VEGFC: variants seen among roughly 807,000 people sequenced by gnomAD.
VEGFC encodes vascular endothelial growth factor C.
Under a neutral mutation model 46.1 loss-of-function variants are expected in VEGFC, and 12 were observed. The observed-to-expected ratio is 0.26, with a 90% CI of 0.17 to 0.42. The LOEUF (loss-of-function observed/expected upper bound fraction) is 0.42. Ranked by LOEUF, VEGFC falls within the 10% of genes least tolerant of loss-of-function variation. The pLI, the probability that VEGFC is intolerant of heterozygous loss-of-function variation, is 1.00. For missense variants in VEGFC, 488 were observed against 529.4 expected (o/e 0.92, Z 0.77); for synonymous variants, 232 against 195.5 (o/e 1.19, Z -1.56).
intron 1 of VEGFC, among the ~76,000 whole-genome samples, chr4:176,738,616 C>T (rs1282889680): frequency 6.6e-6 from 1 of 151,994 alleles, no homozygotes; most frequent in Non-Finnish European, 1.5e-5. Context: ...ATAATCTAGG[C>T]AATACCATTG....
At chr4:176,767,123 T>TTAAA (rs375832911) in intron 1 of VEGFC, among the ~76,000 whole-genome samples, 3 of 50,482 alleles carry the variant, frequency 5.9e-5, no homozygotes, top group Non-Finnish European at 1.0e-4. Flanking sequence ...TGTAGAAATC[T>TTAAA]AAAAAAAAAA....
At chr4:176,776,563 G>A (rs765289250) in intron 1 of VEGFC, among the ~76,000 whole-genome samples, 1 of 152,244 alleles carries the variant, frequency 6.6e-6, no homozygotes, top group Non-Finnish European at 1.5e-5. Context: ...GCACAACTGT[G>A]CCCTATATTT....
At chr4:176,748,190 A>G (rs895757590) in intron 1 of VEGFC, among the ~76,000 whole-genome samples, 6 of 152,078 alleles carry the variant, frequency 3.9e-5, no homozygotes, top group Non-Finnish European at 5.9e-5. Context: ...AAATTTTTCT[A>G]TGTTTTAGAA....
chr4:176,711,505 A>T lies in VEGFC; in HGVS notation c.698T>A (p.Leu233Gln). ...SIIRRSLPAT[L>Q]PQCQAANKTC... ...AGATTTAATTCATACTCACTGTGGT[A>T]GTGTTGCTGGCAGGGAACGTCTAAT... The change falls in exon 4 of 7, where the codon CTA (leucine) becomes CAA (glutamine). Residue 233 changes from leucine to glutamine, a missense_variant. Coordinates refer to ENST00000618562, the MANE Select transcript of VEGFC (RefSeq NM_005429.5). 7.4e-6 allele frequency: 12 copies of T among 1,612,126 alleles called. No homozygotes were observed. The highest frequency in any genetic ancestry group is 1.0e-5 in the Non-Finnish European group (12 of 1,179,054).
chr4:176,768,451 C>G (rs1360832153), intron 1 of VEGFC, among the ~76,000 whole-genome samples: 1 of 138,912 alleles, frequency 7.2e-6, no homozygotes, highest in Non-Finnish European at 1.5e-5. Flanking sequence ...AAATAATGAT[C>G]AAACATTGTA....
intron 1 of VEGFC, among the ~76,000 whole-genome samples, chr4:176,781,084 T>C (rs1735907972): frequency 6.6e-6 from 1 of 152,220 alleles, no homozygotes; most frequent in African/African-American, 2.4e-5. Context: ...TTATTTGCTT[T>C]AATGTGTATC....
chr4:176,687,956 A>G (rs757350495), intron 4 of VEGFC, 29 bp from the exon 5 acceptor site: 6 of 1,398,020 alleles, frequency 4.3e-6, no homozygotes, highest in African/African-American at 4.3e-5. Context: ...AGGTTTAGCA[A>G]TGGTGTAACT....
chr4:176,715,707 G>A (rs140267942), intron 3 of VEGFC, among the ~76,000 whole-genome samples: 63 of 150,674 alleles, frequency 4.2e-4, no homozygotes, highest in Middle Eastern at 3.4e-3. Flanking sequence ...TAATCCCTAC[G>A]TTACTAAGAA....
intron 1 of VEGFC, among the ~76,000 whole-genome samples, chr4:176,752,116 C>T (rs765597056): frequency 5.3e-5 from 8 of 151,742 alleles, no homozygotes; most frequent in Admixed American, 1.3e-4. Flanking sequence ...CATGAAATTG[C>T]GTTAAAATTT....
chr4:176,731,857 G>A (rs763037212), intron 1 of VEGFC, among the ~76,000 whole-genome samples: 2 of 151,722 alleles, frequency 1.3e-5, no homozygotes, highest in South Asian at 2.1e-4. Flanking sequence ...AATTAGTACC[G>A]TAAAACTTCG....
chr4:176,698,146 AAATAAT>A (rs972178905), intron 4 of VEGFC, among the ~76,000 whole-genome samples: 399 of 150,236 alleles, frequency 2.7e-3, no homozygotes, highest in African/African-American at 8.4e-3. Context: ...ATAAAAATAA[AAATAAT>A]AATAATAATA....
chr4:176,785,449 T>C (rs1735987080), intron 1 of VEGFC, among the ~76,000 whole-genome samples: 1 of 152,200 alleles, frequency 6.6e-6, no homozygotes, highest in Admixed American at 6.5e-5. Context: ...AGGTGGCATC[T>C]CTTGAGTTTG....
intron 1 of VEGFC, among the ~76,000 whole-genome samples, chr4:176,784,779 A>AG (rs1553998123): frequency 0.33 from 32,728 of 98,976 alleles, 9,430 homozygotes; most frequent in East Asian, 0.61. Context: ...AAAAAAAAAA[A>AG]GATAAAGTAA....
At chr4:176,774,810 AAT>A (rs10604765) in intron 1 of VEGFC, among the ~76,000 whole-genome samples, 118,826 of 145,942 alleles carry the variant, frequency 0.81, 49,747 homozygotes, top group East Asian at 0.97. Context: ...AAAGTATAAT[AAT>A]AAAAAAAAAA....
Position 176,792,040 on chromosome 4 carries a change from A to G in VEGFC, c.147+125T>C, listed in dbSNP as rs904744019. ...CTCCAAAGCAGCGTGCACTGAGCTC[A>G]GTAACTTTGGATCCCACGTACACAA... On this transcript the variant is annotated intron_variant, in intron 1 of 6. Transcript: ENST00000618562. The surrounding 1 kb of genome is among the most constrained non-coding windows in gnomAD (Gnocchi z 6.3). The G allele has an allele frequency of 7.1e-6, 9 of 1,265,910 alleles. No individual in the cohort carries two copies. In the Admixed American group the frequency reaches 1.1e-4, roughly 16 times the overall value. The allele number at this position is 1,265,910 out of a possible 1,614,324, so 78.4% of individuals were successfully genotyped here.
At chr4:176,705,117 A>G (rs1444305259) in intron 4 of VEGFC, among the ~76,000 whole-genome samples, 8 of 152,186 alleles carry the variant, frequency 5.3e-5, no homozygotes, top group Admixed American at 3.9e-4. Flanking sequence ...TTAGCTAAAG[A>G]ATTATATTAT....
At chr4:176,720,153 T>C (rs1318588981) in intron 3 of VEGFC, among the ~76,000 whole-genome samples, 1 of 152,040 alleles carries the variant, frequency 6.6e-6, no homozygotes, top group Non-Finnish European at 1.5e-5. Context: ...AAGAGGGAAA[T>C]GCAGGGCACA....
intron 3 of VEGFC, among the ~76,000 whole-genome samples, chr4:176,725,727 A>G (rs1441954580): frequency 2.6e-5 from 4 of 152,156 alleles, no homozygotes; most frequent in Non-Finnish European, 4.4e-5. Context: ...GTATATTTCA[A>G]TTCCTAAATC....
In VEGFC at chr4:176,753,979, A is replaced by G. The variant is rs185300032; in HGVS notation, c.148-24233T>C. Among the ~76,000 whole-genome samples the G allele has an allele frequency of 2.2e-4, 34 of 152,234 alleles. No homozygotes were observed. In the East Asian group the frequency reaches 6.2e-3, roughly 28 times the overall value. On this transcript the variant is annotated intron_variant, in intron 1 of 6. Transcript: ENST00000618562. The stretch of plus-strand genomic sequence containing the variant: ...CCTTTCGCCTAGGTTATTCAAATTA[A>G]TACTTACAATGAACTCATGAGGGAA...
Sources: gnomAD v4.1 joint callset for allele counts (sites outside exome capture counted in the v4.1 genomes callset) on GRCh38, gnomAD v4.1.1 for gene constraint, Gnocchi (gnomAD v3.1) non-coding constraint, MANE v1.5 for transcripts, NCBI Gene and HGNC (gene_info 2026-07-23, HGNC 2026-07-21) for gene names.